Variants in MDFIC observed in about 807,000 individuals in gnomAD.
MDFIC encodes myoD family inhibitor domain-containing protein.
In MDFIC, 17 loss-of-function variants were observed where a neutral mutation model predicts 23.2. The ratio of observed to expected loss-of-function variants is 0.73; its 90% CI spans 0.50 to 1.10. The LOEUF is 1.10. Ranked by LOEUF, MDFIC falls within the 50% of genes least tolerant of loss-of-function variation. The pLI, the probability that MDFIC is intolerant of heterozygous loss-of-function variation, is 0.00. For synonymous variants in MDFIC, 120 were observed against 115.2 expected (o/e 1.04, Z -0.27); for missense variants, 356 against 316.6 (o/e 1.12, Z -0.95).
At chr7:114,964,525 A>ACTTCCCTTCCCTTCCCTTCC (rs369470623) in intron 3 of MDFIC, among the ~76,000 whole-genome samples, 7 of 96,316 alleles carry the variant, frequency 7.3e-5, no homozygotes, top group African/African-American at 2.9e-4. Context: ...CCTTCCCTTC[A>ACTTCCCTTCCCTTCCCTTCC]CTTCCCTTCC....
In MDFIC at chr7:114,922,817, C is replaced by T. The variant is rs1585088182; in HGVS notation, c.-107-110C>T. 15 of 1,366,526 alleles carry T rather than the reference C, an allele frequency of 1.1e-5. No homozygotes were observed. The East Asian group carries it at 1.4e-4, about 13-fold the overall frequency. The allele number at this position is 1,366,526 out of a possible 1,614,324, so 84.7% of individuals were successfully genotyped here. A position where few individuals can be genotyped will look rare whatever the true frequency, so the allele number is the denominator to read the frequency against. ...CGCAAGTTTCAAATCAAAACTTCCC[C>T]GGGGTGGAGTTTGAGGGAGGGAAGT... On this transcript the variant is annotated intron_variant, in intron 1 of 4. Coordinates refer to ENST00000393486, the MANE Select transcript of MDFIC (RefSeq NM_001166345.3).
At chr7:114,940,235 C>T (rs574562718) in intron 2 of MDFIC, among the ~76,000 whole-genome samples, 1 of 152,178 alleles carries the variant, frequency 6.6e-6, no homozygotes, top group Non-Finnish European at 1.5e-5. Context: ...GTTAAGACCC[C>T]ATTTGGTTCA....
chr7:114,985,513 TGATAAGTAAGGTTTGTTA>T (rs1793495540), intron 4 of MDFIC, among the ~76,000 whole-genome samples: 1 of 152,004 alleles, frequency 6.6e-6, no homozygotes, highest in African/African-American at 2.4e-5. Flanking sequence ...TTTGTTTGTT[TGATAAGTAAGGTTTGTTA>T]GATAAGTAAA....
intron 3 of MDFIC, among the ~76,000 whole-genome samples, chr7:114,973,588 C>G (rs1793250342): frequency 6.6e-6 from 1 of 152,140 alleles, no homozygotes; most frequent in African/African-American, 2.4e-5. Flanking sequence ...GAATCTCTTA[C>G]TCCAGGCATT....
At chr7:114,994,433 T>A (rs1446738213) in intron 4 of MDFIC, among the ~76,000 whole-genome samples, 3 of 152,170 alleles carry the variant, frequency 2.0e-5, no homozygotes, top group Non-Finnish European at 2.9e-5. Flanking sequence ...TGATGCAGTT[T>A]CTTCCTACCA....
intron 4 of MDFIC, among the ~76,000 whole-genome samples, chr7:115,009,490 G>A (rs1449949119): frequency 6.6e-6 from 1 of 152,168 alleles, no homozygotes; most frequent in African/African-American, 2.4e-5. Flanking sequence ...ATTCCCTAGT[G>A]TAATTTGGCC....
chr7:114,927,014 TG>T (rs1332955681), intron 2 of MDFIC, among the ~76,000 whole-genome samples: 6 of 152,090 alleles, frequency 3.9e-5, no homozygotes, highest in Admixed American at 2.0e-4. Context: ...GTGGTCGTAA[TG>T]GGGGTGCTAC....
intron 3 of MDFIC, among the ~76,000 whole-genome samples, chr7:114,958,219 C>T (rs1227668203): frequency 6.6e-6 from 1 of 152,170 alleles, no homozygotes; most frequent in Non-Finnish European, 1.5e-5. Context: ...TAATTCTAAT[C>T]ACTCTCACAT....
intron 3 of MDFIC, among the ~76,000 whole-genome samples, chr7:114,967,710 G>T (rs867108666): frequency 6.6e-6 from 1 of 151,866 alleles, no homozygotes; most frequent in Non-Finnish European, 1.5e-5. Flanking sequence ...TATTTAAGTC[G>T]GTTTGCAGCC....
Position 114,923,071 on chromosome 7 carries a change from TG to T in MDFIC, c.42del (p.Pro15ArgfsTer29). On this transcript the variant is annotated frameshift_variant, in exon 2 of 5. Coordinates refer to ENST00000393486, the MANE Select transcript of MDFIC (RefSeq NM_001166345.3). LOFTEE classifies it high-confidence loss of function. ...GAGEALAPGP[V>X]GPQRVAEAGG... The stretch of plus-strand genomic sequence containing the variant: ...GGCGAAGCCCTCGCTCCCGGGCCCG[TG>T]GGGCCGCAGCGCGTGGCCGAGGCGG... 1 of 1,403,734 alleles carries T rather than the reference TG, an allele frequency of 7.1e-7. No individual in the cohort carries two copies. The highest frequency in any genetic ancestry group is 9.3e-7 in the Non-Finnish European group (1 of 1,079,662). The allele number at this position is 1,403,734 out of a possible 1,614,324, so 87.0% of individuals were successfully genotyped here. A position where few individuals can be genotyped will look rare whatever the true frequency, so the allele number is the denominator to read the frequency against.
rs773364797 is a variant in MDFIC, at chr7:114,922,982, C to CGGGCGGCGAGCT, written c.-51_-40dup. ...ACAGCCCTTCCTCCGTGCGCCCTGCCGGGCGGCGAGCTAGGCGGCAGCGGC... is the reference window on the plus strand; with the variant it reads ...ACAGCCCTTCCTCCGTGCGCCCTGCCGGGCGGCGAGCTGGGCGGCGAGCTAGGCGGCAGCGGC... On this transcript the variant is annotated 5_prime_UTR_variant, in exon 2 of 5. An upstream open reading frame in the 5' UTR loses its in-frame stop. Coordinates refer to ENST00000393486, the MANE Select transcript of MDFIC (RefSeq NM_001166345.3). 139 of 1,538,632 alleles carry CGGGCGGCGAGCT rather than the reference C, an allele frequency of 9.0e-5. No individual in the cohort carries two copies. The East Asian group carries it at 3.7e-3, about 41-fold the overall frequency.
At chr7:114,954,912 C>G (rs1322079185) in intron 3 of MDFIC, among the ~76,000 whole-genome samples, 1 of 152,072 alleles carries the variant, frequency 6.6e-6, no homozygotes, top group African/African-American at 2.4e-5. Flanking sequence ...CCTACCACTC[C>G]CCTCACCACT....
Position 114,923,043 on chromosome 7 carries a change from G to T in MDFIC, c.10G>T (p.Ala4Ser). MSG[A>S]GEALAPGPVG... ...CTCGGCGGAGCGGCCCATGTCCGGC[G>T]CGGGCGAAGCCCTCGCTCCCGGGCC... Residue 4 changes from alanine to serine, a missense_variant, in exon 2 of 5, where the codon GCG becomes TCG. Transcript: ENST00000393486. The T allele has an allele frequency of 2.9e-6, 4 of 1,363,026 alleles. No homozygotes were observed. Among genetic ancestry groups the T allele is most frequent in the Non-Finnish European group, 3.8e-6 (4 of 1,060,400 alleles). The allele number at this position is 1,363,026 out of a possible 1,614,324, so 84.4% of individuals were successfully genotyped here.
chr7:114,935,453 T>G (rs1426822129), intron 2 of MDFIC, among the ~76,000 whole-genome samples: 1 of 152,038 alleles, frequency 6.6e-6, no homozygotes, highest in Non-Finnish European at 1.5e-5. Context: ...TTCCTGCCAA[T>G]CAACATAATT....
At chr7:115,003,286 C>A (rs1342999213) in intron 4 of MDFIC, among the ~76,000 whole-genome samples, 1 of 152,166 alleles carries the variant, frequency 6.6e-6, no homozygotes, top group Non-Finnish European at 1.5e-5. Context: ...GTTTCAGCCA[C>A]CTTTCACCCC....
intron 3 of MDFIC, among the ~76,000 whole-genome samples, chr7:114,977,964 AATTAT>A (rs1266152182): frequency 1.5e-4 from 22 of 148,056 alleles, no homozygotes; most frequent in Non-Finnish European, 2.7e-4. Flanking sequence ...TAATCAACAT[AATTAT>A]ATTAGATTAT....
Position 114,922,382 on chromosome 7 carries a change from C to G in MDFIC, c.-362C>G, listed in dbSNP as rs1792098046. 1.6e-6 allele frequency: 2 copies of G among 1,234,494 alleles called. No individual in the cohort carries two copies. Among genetic ancestry groups the G allele is most frequent in the East Asian group, 3.2e-5 (1 of 31,698 alleles). The allele number at this position is 1,234,494 out of a possible 1,614,324, so 76.5% of individuals were successfully genotyped here. A position where few individuals can be genotyped will look rare whatever the true frequency, so the allele number is the denominator to read the frequency against. Reference sequence around the variant, plus strand: ...GGGGAAGGCCCCCTCGCAGGGGAGCCGGCTGGAGTGAGCTGGCTGGAAAGA... The same window carrying G: ...GGGGAAGGCCCCCTCGCAGGGGAGCGGGCTGGAGTGAGCTGGCTGGAAAGA... On this transcript the variant is annotated 5_prime_UTR_variant, in exon 1 of 5. Coordinates refer to ENST00000393486, the MANE Select transcript of MDFIC (RefSeq NM_001166345.3).
intron 4 of MDFIC, among the ~76,000 whole-genome samples, chr7:114,986,574 T>C (rs912515921): frequency 6.6e-6 from 1 of 152,228 alleles, no homozygotes; most frequent in South Asian, 2.1e-4. Flanking sequence ...TCCTTGCACC[T>C]GGAATTTTGC....
chr7:114,929,838 A>C (rs562567274), intron 2 of MDFIC, among the ~76,000 whole-genome samples: 34 of 152,308 alleles, frequency 2.2e-4, no homozygotes, highest in Admixed American at 1.2e-3. Flanking sequence ...GAAGTGGTGC[A>C]GTAGGTGTTT....
Sources: allele counts gnomAD v4.1 joint callset (sites outside exome capture counted in the v4.1 genomes callset), GRCh38; gene constraint gnomAD v4.1.1; transcripts MANE v1.5; gene names NCBI Gene and HGNC (gene_info 2026-07-23, HGNC 2026-07-21).